The following ADGRL3 variants were observed in gnomAD, a reference collection of about 807,000 sequenced individuals.
ADGRL3 encodes adhesion G protein-coupled receptor L3.
Under a neutral mutation model 153.5 loss-of-function variants are expected in ADGRL3, and 62 were observed. That is an observed-to-expected ratio of 0.40 (90% confidence interval 0.33 to 0.50). The LOEUF (loss-of-function observed/expected upper bound fraction) is 0.50. Ranked by LOEUF, ADGRL3 falls within the 20% of genes least tolerant of loss-of-function variation. The pLI is 0.47. For synonymous variants in ADGRL3, 710 were observed against 672.5 expected, an observed-to-expected ratio of 1.06 and a Z score of -0.86; for missense variants, 1,641 against 1,859.4, an observed-to-expected ratio of 0.88 and a Z score of 2.16.
chr4:61,927,889 T>C (rs1296059680), intron 13 of ADGRL3, among the ~76,000 whole-genome samples: 1 of 151,954 alleles, frequency 6.6e-6, no homozygotes, highest in Admixed American at 6.6e-5. Context: ...TGGATACTAT[T>C]TTCATCTGTC....
intron 1 of ADGRL3, among the ~76,000 whole-genome samples, chr4:61,354,689 A>G (rs1301120433): frequency 6.6e-6 from 1 of 152,026 alleles, no homozygotes; most frequent in African/African-American, 2.4e-5. Flanking sequence ...AATGTGAATA[A>G]TCTGCCCATT....
intron 3 of ADGRL3, among the ~76,000 whole-genome samples, chr4:61,505,698 T>C (rs2152844444): frequency 6.6e-6 from 1 of 152,202 alleles, no homozygotes; most frequent in Middle Eastern, 3.4e-3. Context: ...TTTTCTCTAA[T>C]ATGTTCTGCA....
intron 1 of ADGRL3, among the ~76,000 whole-genome samples, chr4:61,216,497 A>G (rs573169903): frequency 6.6e-6 from 1 of 152,072 alleles, no homozygotes; most frequent in South Asian, 2.1e-4. Context: ...TGAGTGTAGA[A>G]TTCTCAGTGT....
chr4:61,981,389 A>C (rs2099067813), intron 18 of ADGRL3, among the ~76,000 whole-genome samples: 1 of 148,082 alleles, frequency 6.8e-6, no homozygotes, highest in African/African-American at 2.5e-5. Flanking sequence ...CCTGCAAAGC[A>C]TTTTTATTAT....
At chr4:61,654,947 A>G (rs2094399495) in intron 5 of ADGRL3, among the ~76,000 whole-genome samples, 1 of 152,158 alleles carries the variant, frequency 6.6e-6, no homozygotes, top group Non-Finnish European at 1.5e-5. Flanking sequence ...TAACTCATGT[A>G]CGTAAGTCTA....
At chr4:62,047,045 TTTA>T (rs1731499363) in intron 25 of ADGRL3, among the ~76,000 whole-genome samples, 1 of 152,000 alleles carries the variant, frequency 6.6e-6, no homozygotes, top group African/African-American at 2.4e-5. Context: ...TTCACTTCTG[TTTA>T]TTCAAAAGAT....
intron 6 of ADGRL3, among the ~76,000 whole-genome samples, chr4:61,677,935 G>A (rs1158357546): frequency 6.6e-6 from 1 of 151,756 alleles, no homozygotes; most frequent in Non-Finnish European, 1.5e-5. Flanking sequence ...TAAAATAATA[G>A]TGAAAACAAT....
chr4:61,221,904 G>T (rs1745768726), intron 1 of ADGRL3, among the ~76,000 whole-genome samples: 1 of 151,796 alleles, frequency 6.6e-6, no homozygotes, highest in South Asian at 2.1e-4. Context: ...TGCTCCTAGT[G>T]AAAAAAAGAG....
chr4:61,645,447 C>T (rs902366004), intron 5 of ADGRL3, among the ~76,000 whole-genome samples: 42 of 150,784 alleles, frequency 2.8e-4, no homozygotes, highest in East Asian at 9.8e-4. Flanking sequence ...CCATGTTTAG[C>T]GCTTCCTTCA....
In ADGRL3 at chr4:61,805,768, G is replaced by C. The variant is rs1413243161; in HGVS notation, c.1400-8041G>C. Among the ~76,000 whole-genome samples the C allele has an allele frequency of 2.0e-5, 3 of 152,256 alleles. No homozygotes were observed. In the East Asian group the frequency reaches 5.8e-4, roughly 29 times the overall value. ...AAACTGAGAAAAGTACATTAGGAGA[G>C]TATTTTTAAATAGCTACTTTACATA... On this transcript the variant is annotated intron_variant, in intron 8 of 26. Transcript: ENST00000683033.
At chr4:62,065,032 G>T (rs1394378439) in intron 25 of ADGRL3, among the ~76,000 whole-genome samples, 1 of 152,060 alleles carries the variant, frequency 6.6e-6, no homozygotes, top group Non-Finnish European at 1.5e-5. Flanking sequence ...CATTCTGTCA[G>T]CTTGTGCTTA....
intron 9 of ADGRL3, among the ~76,000 whole-genome samples, chr4:61,819,867 T>C (rs1367695163): frequency 6.6e-6 from 1 of 152,066 alleles, no homozygotes; most frequent in African/African-American, 2.4e-5. Flanking sequence ...TTGGTAACTT[T>C]GAAACTGAGT....
At chr4:61,986,129 C>T (rs919148597) in intron 19 of ADGRL3, among the ~76,000 whole-genome samples, 5 of 151,302 alleles carry the variant, frequency 3.3e-5, no homozygotes, top group Non-Finnish European at 5.9e-5. Flanking sequence ...ATATTTTCAT[C>T]GAAACAAAAA....
chr4:61,787,387 A>C (rs1178276034), intron 8 of ADGRL3, among the ~76,000 whole-genome samples: 1 of 152,020 alleles, frequency 6.6e-6, no homozygotes, highest in Non-Finnish European at 1.5e-5. Context: ...GCATAGGTAC[A>C]TATATGACAG....
rs2099075410 is a variant in ADGRL3, at chr4:61,983,455, G to A, written c.3088G>A (p.Gly1030Arg). 1 of 1,613,792 alleles carries A rather than the reference G, an allele frequency of 6.2e-7. No homozygotes were observed. Among genetic ancestry groups the A allele is most frequent in the Admixed American group, 1.7e-5 (1 of 59,984 alleles). ...LAAFTWMFLEGVQLYIMLVEV... is the reference protein window; with the variant it reads ...LAAFTWMFLERVQLYIMLVEV... ...TGCCTTCACCTGGATGTTCCTGGAG[G>A]GGGTGCAGCTTTATATCATGCTGGT... The change falls in exon 19 of 27, where the codon GGG becomes AGG. Residue 1030 changes from glycine (G) to arginine (R), a missense_variant. Around this residue, in one of 5 missense-constraint regions of ADGRL3, gnomAD observed 734 missense variants for 797.0 expected, o/e 0.92. Transcript: ENST00000683033.
At chr4:61,568,736 C>A (rs927142680) in intron 4 of ADGRL3, among the ~76,000 whole-genome samples, 3 of 152,210 alleles carry the variant, frequency 2.0e-5, no homozygotes, top group African/African-American at 7.2e-5. Flanking sequence ...CCTATTATAT[C>A]CTTCATGATC....
intron 10 of ADGRL3, among the ~76,000 whole-genome samples, chr4:61,895,242 C>A (rs959003652): frequency 6.6e-6 from 1 of 152,082 alleles, no homozygotes; most frequent in South Asian, 2.1e-4. Context: ...CCAAGGCGGG[C>A]AGATCACGAG....
chr4:61,357,737 TCAAC>T (rs1035814397), intron 1 of ADGRL3, among the ~76,000 whole-genome samples: 5 of 152,124 alleles, frequency 3.3e-5, no homozygotes, highest in Non-Finnish European at 7.4e-5. Context: ...AAAGTTATCT[TCAAC>T]CAATAAACAC....
At chr4:61,465,795 A>T (rs1405773319) in intron 2 of ADGRL3, among the ~76,000 whole-genome samples, 1 of 110,316 alleles carries the variant, frequency 9.1e-6, no homozygotes, top group Non-Finnish European at 2.0e-5. Context: ...TGGAATATAT[A>T]TTTTCGTTAT....
Sources: allele counts gnomAD v4.1 joint callset (sites outside exome capture counted in the v4.1 genomes callset), GRCh38; gene constraint gnomAD v4.1.1; regional missense constraint gnomAD v4.1.1; transcripts MANE v1.5; gene names NCBI Gene and HGNC (gene_info 2026-07-23, HGNC 2026-07-21).